Variants in EYS observed in about 807,000 individuals in gnomAD.
EYS encodes the protein protein eyes shut homolog.
EYS carries 250 observed loss-of-function variants against 282.1 expected under a neutral mutation model. That is an observed-to-expected ratio of 0.89 (90% confidence interval 0.80 to 0.98). The LOEUF is 0.98. EYS is among the 50% of genes least tolerant of loss of function. The probability of loss-of-function intolerance (pLI) is 0.00; values close to 1 mark genes in which losing one functional copy is unlikely to be tolerated. For missense variants in EYS, 4,016 were observed against 3,709.0 expected (o/e 1.08, Z -2.15); for synonymous variants, 1,355 against 1,282.9 (o/e 1.06, Z -1.20).
chr6:64,633,114 T>C (rs1195148399), intron 22 of EYS, among the ~76,000 whole-genome samples: 1 of 152,190 alleles, frequency 6.6e-6, no homozygotes, highest in Admixed American at 6.5e-5. Flanking sequence ...GTAATTCTAT[T>C]GTCACTATCA....
chr6:65,428,352 G>T (rs1004445784), intron 5 of EYS, among the ~76,000 whole-genome samples: 12 of 152,224 alleles, frequency 7.9e-5, no homozygotes, highest in African/African-American at 2.9e-4. Flanking sequence ...ACATTGAAAT[G>T]ATAAAAGGCT....
intron 22 of EYS, among the ~76,000 whole-genome samples, chr6:64,730,310 C>A (rs974184262): frequency 6.6e-6 from 1 of 152,042 alleles, no homozygotes; most frequent in African/African-American, 2.4e-5. Flanking sequence ...AGTAATGTTA[C>A]AGATAAGTTC....
At chr6:65,257,613 C>T (rs1767504155) in intron 12 of EYS, among the ~76,000 whole-genome samples, 1 of 151,118 alleles carries the variant, frequency 6.6e-6, no homozygotes, top group African/African-American at 2.4e-5. Context: ...GGGCTCTGTT[C>T]TGTTCCATTG....
chr6:65,358,135 C>T (rs1764564328), intron 8 of EYS, among the ~76,000 whole-genome samples: 1 of 151,852 alleles, frequency 6.6e-6, no homozygotes, highest in Non-Finnish European at 1.5e-5. Flanking sequence ...TGGAAGTGTT[C>T]ACTTAGTTTG....
At chr6:65,678,888 A>G (rs892230800) in intron 1 of EYS, among the ~76,000 whole-genome samples, 1 of 151,876 alleles carries the variant, frequency 6.6e-6, no homozygotes, top group African/African-American at 2.4e-5. Flanking sequence ...ACAGGAAAAA[A>G]CAGATCAAAA....
chr6:65,488,542 C>T (rs1284081239), intron 5 of EYS, among the ~76,000 whole-genome samples: 1 of 152,024 alleles, frequency 6.6e-6, no homozygotes, highest in African/African-American at 2.4e-5. Flanking sequence ...TTGAAAATGG[C>T]CTTACTGTCC....
chr6:64,688,367 A>G (rs1221476617), intron 22 of EYS, among the ~76,000 whole-genome samples: 1 of 152,152 alleles, frequency 6.6e-6, no homozygotes, highest in African/African-American at 2.4e-5. Flanking sequence ...ATTTAGTGCT[A>G]TAAATTTCCC....
chr6:65,354,757 C>A (rs866516601), intron 8 of EYS, among the ~76,000 whole-genome samples: 25 of 151,586 alleles, frequency 1.6e-4, no homozygotes, highest in African/African-American at 5.8e-4. Flanking sequence ...GCAGAGATTG[C>A]GGTGAGCTGA....
At chr6:64,256,028 TA>T (rs1767388612) in intron 30 of EYS, among the ~76,000 whole-genome samples, 3 of 152,172 alleles carry the variant, frequency 2.0e-5, no homozygotes, top group South Asian at 2.1e-4. Flanking sequence ...AATATCCTTT[TA>T]ATTCTTATAT....
chr6:64,502,910 T>G (rs1213359416), intron 26 of EYS, among the ~76,000 whole-genome samples: 5 of 152,232 alleles, frequency 3.3e-5, no homozygotes, highest in Non-Finnish European at 7.3e-5. Context: ...TAGTTTCTCA[T>G]GGCATAAGTC....
chr6:64,235,070 T>C (rs1219298922), intron 30 of EYS, among the ~76,000 whole-genome samples: 2 of 137,276 alleles, frequency 1.5e-5, no homozygotes, highest in African/African-American at 5.3e-5. Context: ...TTTTTATTTT[T>C]TATTTTTTTA....
At chr6:63,987,501 T>A (rs1179771195) in intron 34 of EYS, among the ~76,000 whole-genome samples, 1 of 151,730 alleles carries the variant, frequency 6.6e-6, no homozygotes, top group Admixed American at 6.6e-5. Context: ...ATTCTCATAA[T>A]TTAGATGTAC....
intron 18 of EYS, among the ~76,000 whole-genome samples, chr6:64,893,465 G>A (rs1426863735): frequency 2.0e-5 from 3 of 151,852 alleles, no homozygotes; most frequent in Non-Finnish European, 4.4e-5. Context: ...TAAAATTATT[G>A]CTTTTAAATG....
chr6:64,163,144 C>T (rs977966894), intron 31 of EYS, among the ~76,000 whole-genome samples: 11 of 152,028 alleles, frequency 7.2e-5, no homozygotes, highest in Admixed American at 7.2e-4. Context: ...ATTGTTTTAA[C>T]AGGTAAAAAA....
intron 19 of EYS, among the ~76,000 whole-genome samples, chr6:64,837,610 T>C (rs146839696): frequency 0.012 from 1,705 of 147,856 alleles, 35 homozygotes; most frequent in African/African-American, 0.039. Context: ...ATGATATATA[T>C]GATATATGAT....
At chr6:65,067,775 C>A (rs113653304) in intron 12 of EYS, among the ~76,000 whole-genome samples, 4,142 of 152,158 alleles carry the variant, frequency 0.027, 184 homozygotes, top group African/African-American at 0.095. Context: ...ACCCTCCTAC[C>A]AAACTCACCA....
intron 19 of EYS, among the ~76,000 whole-genome samples, chr6:64,885,748 G>A (rs574116639): frequency 6.6e-6 from 1 of 151,690 alleles, no homozygotes; most frequent in Non-Finnish European, 1.5e-5. Context: ...AGATTTCTCA[G>A]GAAAGACACC....
Position 64,590,721 on chromosome 6 carries a change from C to T in EYS, c.5146G>A (p.Val1716Ile). The T allele has an allele frequency of 6.4e-7, 1 of 1,550,990 alleles. No homozygotes were observed. Among genetic ancestry groups the T allele is most frequent in the East Asian group, 2.4e-5 (1 of 40,870 alleles). Residue 1716 changes from valine (V) to isoleucine (I), a missense_variant, in exon 26 of 43, where the codon GTA (valine) becomes ATA (isoleucine). Val to Ile is a conservative substitution (Grantham distance 29). Transcript: ENST00000503581. The part of the protein sequence containing the change: ...QYGITMGPTE[V>I]LNQESLLDME... ...TCCAATAAGCTCTCTTGATTTAGTA[C>T]CTCAGTGGGTCCCATAGTTATGCCA...
intron 2 of EYS, among the ~76,000 whole-genome samples, chr6:65,533,118 T>A (rs975705689): frequency 6.6e-6 from 1 of 152,084 alleles, no homozygotes; most frequent in Non-Finnish European, 1.5e-5. Context: ...TATTGCCATA[T>A]TAAATAGAAA....
Sources: gnomAD v4.1 joint callset for allele counts (sites outside exome capture counted in the v4.1 genomes callset) on GRCh38, gnomAD v4.1.1 for gene constraint, MANE v1.5 for transcripts, NCBI Gene and HGNC (gene_info 2026-07-23, HGNC 2026-07-21) for gene names.